Variants in SCFD2 observed in about 807,000 individuals in gnomAD.
The protein encoded by SCFD2 is sec1 family domain-containing protein 2.
SCFD2 carries 54 observed loss-of-function variants against 58.9 expected under a neutral mutation model. The ratio of observed to expected loss-of-function variants is 0.92; its 90% CI spans 0.74 to 1.15. The LOEUF is 1.15. SCFD2 is among the 50% of genes most tolerant of loss of function. The pLI, the probability that SCFD2 is intolerant of heterozygous loss-of-function variation, is 0.00. For synonymous variants in SCFD2, 321 were observed against 335.9 expected (o/e 0.96, Z 0.49); for missense variants, 805 against 836.6 (o/e 0.96, Z 0.47).
chr4:53,324,302 T>G (rs1309845170), intron 2 of SCFD2, among the ~76,000 whole-genome samples: 1 of 151,236 alleles, frequency 6.6e-6, no homozygotes, highest in Admixed American at 6.6e-5. Flanking sequence ...CATGTAGTCC[T>G]AGCTACTTAA....
intron 5 of SCFD2, among the ~76,000 whole-genome samples, chr4:53,139,474 G>C (rs1486738076): frequency 2.3e-5 from 3 of 132,782 alleles, no homozygotes; most frequent in Non-Finnish European, 5.3e-5. Flanking sequence ...GGGAGGTGAG[G>C]AGCGTCTCTG....
intron 5 of SCFD2, among the ~76,000 whole-genome samples, chr4:53,014,698 C>G (rs1439793261): frequency 6.6e-6 from 1 of 152,208 alleles, no homozygotes; most frequent in Non-Finnish European, 1.5e-5. Flanking sequence ...ACTGTCTTAG[C>G]CACCTCCAGA....
intron 4 of SCFD2, among the ~76,000 whole-genome samples, chr4:53,242,112 G>A (rs554211730): frequency 2.2e-4 from 33 of 152,374 alleles, no homozygotes; most frequent in South Asian, 8.3e-4. Context: ...GCATCCTGCC[G>A]CAGCTGACAA....
At chr4:53,340,559 G>A (rs1160912877) in intron 2 of SCFD2, among the ~76,000 whole-genome samples, 1 of 152,158 alleles carries the variant, frequency 6.6e-6, no homozygotes, top group Non-Finnish European at 1.5e-5. Context: ...ACAAAAGGCA[G>A]CGAAAACTTC....
chr4:53,254,762 GCT>G (rs1730533554), intron 4 of SCFD2, among the ~76,000 whole-genome samples: 1 of 151,212 alleles, frequency 6.6e-6, no homozygotes, highest in Non-Finnish European at 1.5e-5. Context: ...TGAAATTGTG[GCT>G]GGTGCCATCA....
chr4:53,211,455 A>G (rs1728611301), intron 4 of SCFD2, among the ~76,000 whole-genome samples: 1 of 152,092 alleles, frequency 6.6e-6, no homozygotes, highest in Admixed American at 6.5e-5. Flanking sequence ...TCTGTGAGAC[A>G]CTTCAGCAAA....
chr4:53,169,376 T>A (rs914816787), intron 4 of SCFD2, among the ~76,000 whole-genome samples: 1 of 151,902 alleles, frequency 6.6e-6, no homozygotes, highest in Non-Finnish European at 1.5e-5. Context: ...AATAAAAAAA[T>A]AAAAAATAAA....
At chr4:53,274,063 A>G in intron 3 of SCFD2, 62 bp from the exon 4 acceptor site, 1 of 1,355,394 alleles carries the variant, frequency 7.4e-7, no homozygotes, top group South Asian at 1.5e-5. Context: ...AATGAGAAGG[A>G]TTCCATTAAT....
intron 4 of SCFD2, among the ~76,000 whole-genome samples, chr4:53,213,888 G>A: frequency 6.6e-6 from 1 of 151,984 alleles, no homozygotes; most frequent in Non-Finnish European, 1.5e-5. Context: ...TCCCACCTAT[G>A]AGTGAGAACA....
intron 4 of SCFD2, among the ~76,000 whole-genome samples, chr4:53,174,721 T>C (rs1422030628): frequency 6.6e-6 from 1 of 152,148 alleles, no homozygotes; most frequent in African/African-American, 2.4e-5. Flanking sequence ...CCTCATTTGT[T>C]AGAGTCCTGG....
intron 2 of SCFD2, among the ~76,000 whole-genome samples, chr4:53,350,440 A>G (rs1249293819): frequency 1.3e-5 from 2 of 152,134 alleles, no homozygotes; most frequent in African/African-American, 4.8e-5. Context: ...TCCTAGAACT[A>G]TTTTGTCCTT....
intron 5 of SCFD2, among the ~76,000 whole-genome samples, chr4:53,029,715 AGGCAGTTCAAT>A (rs537971296): frequency 3.9e-5 from 6 of 152,236 alleles, no homozygotes; most frequent in Non-Finnish European, 8.8e-5. Context: ...AAATGTGCAA[AGGCAGTTCAAT>A]GGGGAAAAAT....
intron 5 of SCFD2, among the ~76,000 whole-genome samples, chr4:53,020,449 G>A (rs111837124): frequency 0.029 from 4,465 of 152,262 alleles, 86 homozygotes; most frequent in African/African-American, 0.055. Flanking sequence ...GACAAAGATA[G>A]GGAAAGGTTA....
chr4:53,304,209 T>C (rs1401930360), intron 3 of SCFD2, among the ~76,000 whole-genome samples: 1 of 152,196 alleles, frequency 6.6e-6, no homozygotes, highest in East Asian at 1.9e-4. Flanking sequence ...GTTAGTCTGA[T>C]GGGTTTCCCT....
At chr4:53,134,002 T>C (rs1725866532) in intron 5 of SCFD2, among the ~76,000 whole-genome samples, 1 of 152,190 alleles carries the variant, frequency 6.6e-6, no homozygotes, top group Non-Finnish European at 1.5e-5. Flanking sequence ...TCATTCAACC[T>C]TAAAAAAGAA....
chr4:53,147,946 C>A (rs1311426480), intron 4 of SCFD2, among the ~76,000 whole-genome samples: 1 of 152,002 alleles, frequency 6.6e-6, no homozygotes, highest in Non-Finnish European at 1.5e-5. Context: ...TTATAAGCTG[C>A]CAAAAGTAAT....
At chr4:53,134,232 G>A (rs1221730552) in intron 5 of SCFD2, among the ~76,000 whole-genome samples, 2 of 152,256 alleles carry the variant, frequency 1.3e-5, no homozygotes, top group Middle Eastern at 3.4e-3. Flanking sequence ...AGGTATGTAA[G>A]GTGAAAGAGT....
At chr4:53,031,637 A>G (rs112629684) in intron 5 of SCFD2, among the ~76,000 whole-genome samples, 8,171 of 152,308 alleles carry the variant, frequency 0.054, 266 homozygotes, top group African/African-American at 0.1. Context: ...TTCATGAACC[A>G]TACACAAGTT....
chr4:53,223,419 T>C (rs1308789473), intron 4 of SCFD2, among the ~76,000 whole-genome samples: 1 of 152,208 alleles, frequency 6.6e-6, no homozygotes, highest in African/African-American at 2.4e-5. Context: ...TGGTTATCTC[T>C]GGAATGTAAT....
Sources: gnomAD v4.1 joint callset for allele counts (sites outside exome capture counted in the v4.1 genomes callset) on GRCh38, gnomAD v4.1.1 for gene constraint, MANE v1.5 for transcripts, NCBI Gene and HGNC (gene_info 2026-07-23, HGNC 2026-07-21) for gene names.